LTA: variants seen among roughly 807,000 people sequenced by gnomAD.
The protein encoded by LTA is lymphotoxin-alpha.
A neutral mutation model predicts 15.1 loss-of-function variants in LTA; 6 were observed. The ratio of observed to expected loss-of-function variants is 0.40; its 90% CI spans 0.22 to 0.78. The LOEUF (loss-of-function observed/expected upper bound fraction) is 0.78. LTA is among the 30% of genes least tolerant of loss of function. The pLI is 0.38. For missense variants in LTA, 173 were observed against 249.5 expected (o/e 0.69, Z 2.06); for synonymous variants, 87 against 107.3 (o/e 0.81, Z 1.17).
chr6:31,565,341 A>T, the LTA span, among the ~76,000 whole-genome samples: 1 of 152,194 alleles, frequency 6.6e-6, no homozygotes, highest in Non-Finnish European at 1.5e-5. Flanking sequence ...GAATCCAGGG[A>T]GGTTAAATCC....
In LTA at chr6:31,572,855, A is replaced by G; in HGVS notation, c.99+14A>G. ...CCTGGGGCCCAGGTGAGGCAGCAGG[A>G]GAATGGGGGCTGCTGGGGTGGCTCA... On this transcript the variant is annotated intron_variant, in intron 2 of 3. Transcript: ENST00000418386. 2.5e-6 allele frequency: 4 copies of G among 1,611,340 alleles called. No homozygotes were observed. The highest frequency in any genetic ancestry group is 3.4e-6 in the Non-Finnish European group (4 of 1,179,524).
chr6:31,572,612 C>T, intron 1 of LTA, 122 bp from the exon 2 acceptor site: 1 of 659,388 alleles, frequency 1.5e-6, no homozygotes, highest in Non-Finnish European at 2.7e-6. Flanking sequence ...CATCTTGTCC[C>T]CTTCTCTGTC....
the LTA span, among the ~76,000 whole-genome samples, chr6:31,563,378 ATAT>A: frequency 6.6e-6 from 1 of 152,194 alleles, no homozygotes; most frequent in Non-Finnish European, 1.5e-5. Flanking sequence ...GCTCAATGAA[ATAT>A]TAATAGATGA....
rs758289216 is a variant in LTA at position 31,573,545 on chromosome 6, C to T, written c.470C>T (p.Pro157Leu). Residue 157 changes from proline (P) to leucine (L), a missense_variant, in exon 4 of 4, where the codon CCA (proline) becomes CTA (leucine). By Grantham distance (98) the Pro-to-Leu change is moderately conservative (BLOSUM62 -3). Transcript: ENST00000418386. ...PLLSSQKMVY[P>L]GLQEPWLHSM... ...CTCAGCTCCCAGAAGATGGTGTATC[C>T]AGGGCTGCAGGAACCCTGGCTGCAC... The T allele has an allele frequency of 2.5e-6, 4 of 1,613,968 alleles. No individual in the cohort carries two copies.
the LTA span, among the ~76,000 whole-genome samples, chr6:31,563,670 C>T: frequency 2.3e-4 from 35 of 152,222 alleles, 1 homozygote; most frequent in South Asian, 6.4e-3. Context: ...TGCAATGGCT[C>T]AATCTTGGTT....
chr6:31,574,230 G>A lies in LTA; in HGVS notation c.*537G>A, dbSNP rs1008522396. On this transcript the variant is annotated 3_prime_UTR_variant, in exon 4 of 4. Transcript: ENST00000418386. ...ATGAGGGATCACAGGGCCCCAGAAG[G>A]CAGGGAAAGGCTCTGAAAGCCAGCT... 2.7e-4 allele frequency: 52 copies of A among 196,012 alleles called. No homozygotes were observed. Among genetic ancestry groups the A allele is most frequent in the African/African-American group, 1.2e-3 (52 of 41,784 alleles). 12.1% of individuals were successfully genotyped at this position (196,012 alleles called of 1,614,324 possible). A position where few individuals can be genotyped will look rare whatever the true frequency, so the allele number is the denominator to read the frequency against.
chr6:31,567,674 A>ACACG (rs767346078), upstream of LTA, among the ~76,000 whole-genome samples: 3,405 of 45,444 alleles, frequency 0.075, 96 homozygotes, highest in South Asian at 0.17. Context: ...ACACACACAC[A>ACACG]CACGCACGCA....
At chr6:31,560,721 G>A in the LTA span, among the ~76,000 whole-genome samples, 9 of 152,194 alleles carry the variant, frequency 5.9e-5, no homozygotes, top group Non-Finnish European at 1.2e-4. Context: ...GGAGGAACAG[G>A]CCTGGAAAAG....
chr6:31,565,637 C>T, the LTA span, among the ~76,000 whole-genome samples: 1 of 152,168 alleles, frequency 6.6e-6, no homozygotes, highest in African/African-American at 2.4e-5. Context: ...CTTAGACTTA[C>T]CACACCCAAA....
chr6:31,567,456 G>A (rs1317341419), upstream of LTA, among the ~76,000 whole-genome samples: 1 of 151,776 alleles, frequency 6.6e-6, no homozygotes, highest in African/African-American at 2.4e-5. Flanking sequence ...CTAGATACTT[G>A]GGAAGCTGAG....
At chr6:31,562,113 C>CG in the LTA span, among the ~76,000 whole-genome samples, 14 of 146,664 alleles carry the variant, frequency 9.5e-5, no homozygotes, top group Admixed American at 2.1e-4. Context: ...AAGCAGGGCA[C>CG]GGGGGGCGGG....
intron 1 of LTA, 119 bp downstream of exon 1, chr6:31,572,565 C>G (rs1770894315): frequency 5.0e-6 from 3 of 603,572 alleles, no homozygotes; most frequent in African/African-American, 1.9e-5. Flanking sequence ...CTGTCTCTCT[C>G]TGTCTCCCTC....
chr6:31,573,243 C>A, intron 3 of LTA, 38 bp from the exon 4 acceptor site: 1 of 1,579,734 alleles, frequency 6.3e-7, no homozygotes, highest in Non-Finnish European at 8.6e-7. Context: ...GATCCAGACC[C>A]CTGATCTCCC....
chr6:31,567,671 CACACACGCACGCAT>C (rs147841587), upstream of LTA, among the ~76,000 whole-genome samples: 10,690 of 69,872 alleles, frequency 0.15, 494 homozygotes, highest in African/African-American at 0.19. Flanking sequence ...CACACACACA[CACACACGCACGCAT>C]GCACGCACCA....
chr6:31,573,601 A>T lies in LTA; in HGVS notation c.526A>T (p.Thr176Ser). 1 of 1,614,066 alleles carries T rather than the reference A, an allele frequency of 6.2e-7. No individual in the cohort carries two copies. The highest frequency in any genetic ancestry group is 8.5e-7 in the Non-Finnish European group (1 of 1,180,016). Residue 176 changes from threonine (T) to serine (S), a missense_variant, in exon 4 of 4, where the codon ACC (threonine) becomes TCC (serine). Physicochemically the swap from Thr to Ser is moderately conservative, Grantham distance 58. Coordinates refer to ENST00000418386, the MANE Select transcript of LTA (RefSeq NM_000595.4). ...GTACCACGGGGCTGCGTTCCAGCTC[A>T]CCCAGGGAGACCAGCTATCCACCCA... ...SMYHGAAFQL[T>S]QGDQLSTHTD...
chr6:31,572,658 C>CGTATGATTAAAAAA, intron 1 of LTA, 76 bp from the exon 2 acceptor site: 1 of 1,039,782 alleles, frequency 9.6e-7, no homozygotes, highest in Non-Finnish European at 1.5e-6. Flanking sequence ...TGCTCTCTCC[C>CGTATGATTAAAAAA]AGGGCGGGAG....
At chr6:31,570,752 A>G (rs929200164), upstream of LTA, among the ~76,000 whole-genome samples, 2 of 152,228 alleles carry the variant, frequency 1.3e-5, no homozygotes, top group African/African-American at 4.8e-5. Flanking sequence ...AACCACGTAT[A>G]TGAATCTCAC....
Position 31,573,686 on chromosome 6 carries a change from C to T in LTA, c.611C>T (p.Ala204Val). The T allele has an allele frequency of 6.2e-7, 1 of 1,613,698 alleles. No homozygotes were observed. The highest frequency in any genetic ancestry group is 8.5e-7 in the Non-Finnish European group (1 of 1,179,800). The change falls in exon 4 of 4, where the codon GCT becomes GTT. Residue 204 changes from alanine (A) to valine (V), a missense_variant. Physicochemically the swap from Ala to Val is moderately conservative, Grantham distance 64. Coordinates refer to ENST00000418386, the MANE Select transcript of LTA (RefSeq NM_000595.4). ...SPSTVFFGAF[A>V]L ...AGTACTGTCTTCTTTGGAGCCTTCGCTCTGTAGAACTTGGAAAAATCCAGA... is the reference window on the plus strand; with the variant it reads ...AGTACTGTCTTCTTTGGAGCCTTCGTTCTGTAGAACTTGGAAAAATCCAGA...
At chr6:31,563,430 A>C in the LTA span, among the ~76,000 whole-genome samples, 1 of 152,194 alleles carries the variant, frequency 6.6e-6, no homozygotes, top group Non-Finnish European at 1.5e-5. Flanking sequence ...TTAGAACATC[A>C]CGCACAGTAG....
Sources: allele counts gnomAD v4.1 joint callset (sites outside exome capture counted in the v4.1 genomes callset), GRCh38; gene constraint gnomAD v4.1.1; transcripts MANE v1.5; gene names NCBI Gene and HGNC (gene_info 2026-07-23, HGNC 2026-07-21).